Variants in TNS1 observed in about 807,000 individuals in gnomAD.
TNS1 encodes tensin-1.
TNS1 carries 62 observed loss-of-function variants against 168.6 expected under a neutral mutation model. That is an observed-to-expected ratio of 0.37 (90% CI 0.30 to 0.45). The LOEUF (loss-of-function observed/expected upper bound fraction) is 0.45, where lower values mean the gene tolerates loss of function less well. Among genes scored for constraint, TNS1 ranks in the 20% least tolerant of loss-of-function variants. The pLI is 1.00. For synonymous variants in TNS1, 934 were observed against 933.2 expected (o/e 1.00, Z -0.02); for missense variants, 2,240 against 2,339.4 (o/e 0.96, Z 0.88).
intron 3 of TNS1, among the ~76,000 whole-genome samples, chr2:217,973,095 T>G (rs1047949393): frequency 1.3e-5 from 2 of 152,132 alleles, no homozygotes; most frequent in Non-Finnish European, 2.9e-5. Context: ...GGCTCATGCC[T>G]GTAATCTCAG....
At chr2:217,964,950 G>T (rs911579185) in intron 3 of TNS1, among the ~76,000 whole-genome samples, 1 of 152,196 alleles carries the variant, frequency 6.6e-6, no homozygotes. Context: ...TCACTCATCA[G>T]CCAGGAGCCA....
intron 19 of TNS1, chr2:217,841,263 G>A (rs569155008): frequency 7.0e-5 from 69 of 985,152 alleles, no homozygotes; most frequent in Admixed American, 1.2e-4. Context: ...TGTGTCCGAT[G>A]CCCTGCAGCC....
chr2:218,001,835 C>T (rs537617188), intron 1 of TNS1, among the ~76,000 whole-genome samples: 2 of 152,128 alleles, frequency 1.3e-5, no homozygotes, highest in Admixed American at 6.5e-5. Context: ...AGGGCCCTCC[C>T]GAGGACTGGC....
At chr2:217,931,440 C>T (rs974951827) in intron 3 of TNS1, among the ~76,000 whole-genome samples, 1 of 152,160 alleles carries the variant, frequency 6.6e-6, no homozygotes, top group Non-Finnish European at 1.5e-5. Context: ...GAGGACCATG[C>T]CAACCACCAC....
In TNS1 at chr2:217,886,227, G is replaced by A; in HGVS notation, c.980-123C>T. ...AAATGGGGGAAGACGGGGTAGGAAG[G>A]GGAAGGAGGAAAAGAGGAAAGAGTA... On this transcript the variant is annotated intron_variant, in intron 13 of 32. Transcript: ENST00000682258. The A allele has an allele frequency of 1.2e-5, 13 of 1,046,502 alleles. No individual in the cohort carries two copies. The South Asian group carries it at 2.0e-4, about 16-fold the overall frequency. 64.8% of individuals were successfully genotyped at this position (1,046,502 alleles called of 1,614,324 possible).
chr2:217,984,203 A>G (rs1958131585), intron 2 of TNS1, among the ~76,000 whole-genome samples: 1 of 152,118 alleles, frequency 6.6e-6, no homozygotes, highest in African/African-American at 2.4e-5. Context: ...CTTTTTTTCT[A>G]CACACATCCT....
intron 12 of TNS1, among the ~76,000 whole-genome samples, chr2:217,889,483 G>A (rs1256330075): frequency 6.6e-6 from 1 of 152,200 alleles, no homozygotes; most frequent in Non-Finnish European, 1.5e-5. Context: ...TGGCCTCCAG[G>A]CCCTTGTAGT....
rs377656214 is a variant in TNS1 at position 217,830,099 on chromosome 2, G to A, written c.3373+1356C>T. The A allele has an allele frequency of 1.6e-4, 102 of 657,812 alleles. 1 individual carries two copies. In the South Asian group the frequency reaches 3.1e-3, roughly 20 times the overall value. The allele number at this position is 657,812 out of a possible 1,614,324, so 40.7% of individuals were successfully genotyped here. ...ACAGAAGGACTCCAAGGGGAAGGCC[G>A]AGGCCCACCCTGCAAAGGACCCCAA... is the stretch of plus-strand genomic sequence containing the variant. On this transcript the variant is annotated intron_variant, in intron 22 of 32. Coordinates refer to ENST00000682258, the MANE Select transcript of TNS1 (RefSeq NM_001387777.1).
upstream of TNS1, among the ~76,000 whole-genome samples, chr2:218,007,728 C>T (rs553885231): frequency 6.6e-6 from 1 of 152,138 alleles, no homozygotes; most frequent in Admixed American, 6.5e-5. Flanking sequence ...CCTGATGCCC[C>T]TAGGACCTCC....
At chr2:217,896,341 C>T (rs1574991608) in intron 8 of TNS1, among the ~76,000 whole-genome samples, 2 of 152,284 alleles carry the variant, frequency 1.3e-5, no homozygotes, top group East Asian at 3.9e-4. Context: ...GGAAATAGTG[C>T]CTTTGCCAGT....
At chr2:217,890,230 G>A (rs1951606248) in intron 12 of TNS1, 1 of 152,224 alleles carries the variant, frequency 6.6e-6, no homozygotes, top group South Asian at 2.1e-4. Context: ...TATTAAAAGA[G>A]CCCCGTTCCC....
chr2:217,958,370 G>A (rs532980256), intron 3 of TNS1, among the ~76,000 whole-genome samples: 21 of 152,278 alleles, frequency 1.4e-4, no homozygotes, highest in African/African-American at 2.4e-4. Context: ...CGGCAGTCAC[G>A]CACCCTCTTC....
At chr2:217,954,992 A>G (rs1182963949) in intron 3 of TNS1, among the ~76,000 whole-genome samples, 1 of 152,134 alleles carries the variant, frequency 6.6e-6, no homozygotes, top group Non-Finnish European at 1.5e-5. Flanking sequence ...ACACACACAC[A>G]CAGGCACACT....
intron 1 of TNS1, among the ~76,000 whole-genome samples, chr2:218,022,565 C>T (rs1958814921): frequency 6.6e-6 from 1 of 152,002 alleles, no homozygotes; most frequent in Non-Finnish European, 1.5e-5. Context: ...ACAGGGGTGT[C>T]CCTTTGTCCC....
At chr2:217,964,328 C>G (rs1177796439) in intron 3 of TNS1, among the ~76,000 whole-genome samples, 3 of 152,158 alleles carry the variant, frequency 2.0e-5, no homozygotes, top group Admixed American at 1.3e-4. Flanking sequence ...ACTCAAGTCA[C>G]AAAGAGGCTG....
intron 4 of TNS1, among the ~76,000 whole-genome samples, chr2:217,907,911 C>G (rs1180808439): frequency 3.3e-5 from 5 of 152,184 alleles, no homozygotes; most frequent in African/African-American, 1.2e-4. Flanking sequence ...CCCTTCTTTT[C>G]CTACAAGGAG....
chr2:217,947,760 T>TCTCAGC (rs1274468854), intron 3 of TNS1, among the ~76,000 whole-genome samples: 1 of 152,088 alleles, frequency 6.6e-6, no homozygotes, highest in African/African-American at 2.4e-5. Context: ...TTCCCTGGCC[T>TCTCAGC]CTCAGCCCCA....
At chr2:218,013,859 C>T (rs1958732858), upstream of TNS1, among the ~76,000 whole-genome samples, 1 of 152,140 alleles carries the variant, frequency 6.6e-6, no homozygotes, top group Non-Finnish European at 1.5e-5. Context: ...GAGGAGGCTC[C>T]AGAGTCTATG....
At chr2:217,816,348 C>T (rs1243515202) in intron 24 of TNS1, among the ~76,000 whole-genome samples, 1 of 152,204 alleles carries the variant, frequency 6.6e-6, no homozygotes, top group African/African-American at 2.4e-5. Context: ...ATGAAAGACA[C>T]TGCAAAGTTA....
Sources: gnomAD v4.1 joint callset for allele counts (sites outside exome capture counted in the v4.1 genomes callset) on GRCh38, gnomAD v4.1.1 for gene constraint, MANE v1.5 for transcripts, NCBI Gene and HGNC (gene_info 2026-07-23, HGNC 2026-07-21) for gene names.